AFF3: variants seen among roughly 807,000 people sequenced by gnomAD.
The protein encoded by AFF3 is AF4/FMR2 family member 3.
AFF3 carries 32 observed loss-of-function variants against 129.7 expected under a neutral mutation model. The ratio of observed to expected loss-of-function variants is 0.25; its 90% confidence interval spans 0.19 to 0.33. The LOEUF (loss-of-function observed/expected upper bound fraction) is 0.33, where lower values mean the gene tolerates loss of function less well. Among genes scored for constraint, AFF3 ranks in the 10% least tolerant of loss-of-function variants. The pLI is 1.00. For synonymous variants in AFF3, 644 were observed against 635.4 expected, an observed-to-expected ratio of 1.01 and a Z score of -0.20; for missense variants, 1,373 against 1,592.0, an observed-to-expected ratio of 0.86 and a Z score of 2.34.
At chr2:100,026,424 C>T (rs62149319) in intron 4 of AFF3, among the ~76,000 whole-genome samples, 15,265 of 152,072 alleles carry the variant, frequency 0.1, 1,078 homozygotes, top group Non-Finnish European at 0.14. Context: ...ATGTGGTGAT[C>T]AGGGAACACT....
chr2:99,610,588 A>G (rs758071094), intron 13 of AFF3, among the ~76,000 whole-genome samples: 1 of 152,160 alleles, frequency 6.6e-6, no homozygotes, highest in African/African-American at 2.4e-5. Context: ...CATTCACCCA[A>G]TGAGGGACAT....
At chr2:100,093,504 C>A (rs1429044608) in intron 4 of AFF3, among the ~76,000 whole-genome samples, 1 of 152,140 alleles carries the variant, frequency 6.6e-6, no homozygotes, top group South Asian at 2.1e-4. Flanking sequence ...AACCAACATA[C>A]CCTACTTCCT....
intron 10 of AFF3, among the ~76,000 whole-genome samples, chr2:99,740,309 G>T (rs1575836164): frequency 6.6e-6 from 1 of 151,024 alleles, no homozygotes; most frequent in African/African-American, 2.4e-5. Flanking sequence ...ATGATTTATA[G>T]TCCTTTGGGT....
At chr2:99,748,614 G>A (rs909279388) in intron 9 of AFF3, among the ~76,000 whole-genome samples, 2 of 151,992 alleles carry the variant, frequency 1.3e-5, no homozygotes, top group African/African-American at 2.4e-5. Context: ...TTCTTCCTTC[G>A]AGGCTCTGCA....
At chr2:99,676,860 G>C (rs1673984882) in intron 11 of AFF3, among the ~76,000 whole-genome samples, 1 of 152,206 alleles carries the variant, frequency 6.6e-6, no homozygotes, top group Admixed American at 6.5e-5. Context: ...CCAGTGCACG[G>C]AGAGGTCTGC....
chr2:100,120,022 C>G (rs898720053), intron 2 of AFF3, among the ~76,000 whole-genome samples: 1 of 152,192 alleles, frequency 6.6e-6, no homozygotes, highest in Non-Finnish European at 1.5e-5. Flanking sequence ...AAAACCAACT[C>G]ATCACAATAG....
chr2:99,948,104 GC>G (rs759550066), intron 7 of AFF3, among the ~76,000 whole-genome samples: 19 of 152,208 alleles, frequency 1.2e-4, no homozygotes, highest in Non-Finnish European at 2.5e-4. Context: ...ACTTAGGGGA[GC>G]CTCCTTCAGG....
At chr2:99,905,123 A>G (rs1276542265) in intron 7 of AFF3, among the ~76,000 whole-genome samples, 1 of 151,998 alleles carries the variant, frequency 6.6e-6, no homozygotes, top group Non-Finnish European at 1.5e-5. Context: ...GCCCAGAAAC[A>G]TGCTACCCAT....
intron 7 of AFF3, among the ~76,000 whole-genome samples, chr2:99,870,046 A>G (rs770237295): frequency 7.2e-5 from 11 of 152,200 alleles, no homozygotes; most frequent in Non-Finnish European, 1.0e-4. Context: ...ATGAAAATGA[A>G]TTAGACTGTG....
chr2:99,907,376 G>T (rs141609790), intron 7 of AFF3, among the ~76,000 whole-genome samples: 142 of 152,254 alleles, frequency 9.3e-4, no homozygotes, highest in African/African-American at 3.2e-3. Context: ...CAAGATTAAA[G>T]TGAAGTAATT....
At chr2:99,831,009 C>T (rs1310762436) in intron 8 of AFF3, among the ~76,000 whole-genome samples, 7 of 152,180 alleles carry the variant, frequency 4.6e-5, no homozygotes, top group African/African-American at 1.7e-4. Flanking sequence ...CACACACCCA[C>T]ACTCACTGAC....
chr2:99,682,323 T>A (rs1018838419), intron 11 of AFF3, among the ~76,000 whole-genome samples: 8 of 152,214 alleles, frequency 5.3e-5, no homozygotes, highest in African/African-American at 1.7e-4. Flanking sequence ...ATGCATTATG[T>A]TGGAATTTTC....
chr2:99,648,917 A>ACACACACACTCTCTCTCTCTCTCTCTCT, intron 13 of AFF3, among the ~76,000 whole-genome samples: 4 of 46,860 alleles, frequency 8.5e-5, no homozygotes, highest in Non-Finnish European at 9.2e-5. Context: ...ACACACACAC[A>ACACACACACTCTCTCTCTCTCTCTCTCT]CTCTCTCTCT....
chr2:99,950,225 T>G (rs1417344455), intron 7 of AFF3, among the ~76,000 whole-genome samples: 1 of 152,234 alleles, frequency 6.6e-6, no homozygotes, highest in Non-Finnish European at 1.5e-5. Context: ...GCATTAAATG[T>G]AACATAATAG....
intron 4 of AFF3, among the ~76,000 whole-genome samples, chr2:100,022,745 A>G (rs925677375): frequency 6.6e-6 from 1 of 152,228 alleles, no homozygotes; most frequent in South Asian, 2.1e-4. Flanking sequence ...ATACACCCAC[A>G]TACAACACAG....
At position 99,958,973 on chromosome 2, in the gene AFF3, G is replaced by A. The variant is rs750322029; in HGVS notation, c.873+47659C>T. Among the ~76,000 whole-genome samples the A allele has an allele frequency of 3.8e-4, 58 of 151,926 alleles. 1 individual carries two copies. Among genetic ancestry groups the A allele is most frequent in the Non-Finnish European group, 8.8e-5 (6 of 67,968 alleles). On this transcript the variant is annotated intron_variant, in intron 7 of 24. Transcript: ENST00000672756. ...TAAAAAATACAAAAATTAGCCAGGC[G>A]TGGGTCACAGCTACTTGGGAGGCTA...
At chr2:100,019,353 A>G (rs1385151204) in intron 4 of AFF3, among the ~76,000 whole-genome samples, 1 of 152,240 alleles carries the variant, frequency 6.6e-6, no homozygotes, top group East Asian at 1.9e-4. Context: ...CCTGTGAGGT[A>G]GAGAACAAGC....
At chr2:99,858,216 G>A (rs924288267) in intron 7 of AFF3, among the ~76,000 whole-genome samples, 1 of 152,108 alleles carries the variant, frequency 6.6e-6, no homozygotes, top group Non-Finnish European at 1.5e-5. Context: ...TCCAGCCTGG[G>A]CTGGCAGGCC....
intron 11 of AFF3, among the ~76,000 whole-genome samples, chr2:99,677,255 C>T (rs954864342): frequency 9.3e-5 from 11 of 118,242 alleles, no homozygotes; most frequent in Non-Finnish European, 1.1e-4. Flanking sequence ...GGGCATAAGA[C>T]CCTGTCTCAA....
Sources: allele counts gnomAD v4.1 joint callset (sites outside exome capture counted in the v4.1 genomes callset), GRCh38; gene constraint gnomAD v4.1.1; transcripts MANE v1.5; gene names NCBI Gene and HGNC (gene_info 2026-07-23, HGNC 2026-07-21).